Variants in ZFPM2 observed in about 807,000 individuals in gnomAD.
The protein encoded by ZFPM2 is zinc finger protein, FOG family member 2.
In ZFPM2, 20 loss-of-function variants were observed where a neutral mutation model predicts 98.6. The observed-to-expected ratio is 0.20, with a 90% confidence interval of 0.14 to 0.29. The LOEUF (loss-of-function observed/expected upper bound fraction) is 0.29. Ranked by LOEUF, ZFPM2 falls within the 10% of genes least tolerant of loss-of-function variation. The pLI, the probability that ZFPM2 is intolerant of heterozygous loss-of-function variation, is 1.00. For synonymous variants in ZFPM2, 518 were observed against 502.7 expected, an observed-to-expected ratio of 1.03 and a Z score of -0.41; for missense variants, 1,310 against 1,388.6, an observed-to-expected ratio of 0.94 and a Z score of 0.90.
intron 1 of ZFPM2, among the ~76,000 whole-genome samples, chr8:105,417,341 T>C (rs1369956181): frequency 1.3e-5 from 2 of 152,170 alleles, no homozygotes; most frequent in Non-Finnish European, 2.9e-5. Flanking sequence ...TATTTCATTT[T>C]GTATACATAC....
At chr8:105,389,514 C>G (rs543086834) in intron 1 of ZFPM2, among the ~76,000 whole-genome samples, 45 of 152,024 alleles carry the variant, frequency 3.0e-4, no homozygotes, top group African/African-American at 1.0e-3. Flanking sequence ...AGGGTAGATC[C>G]AAAGTTGCTT....
chr8:105,518,322 A>G (rs1384677238), intron 3 of ZFPM2, among the ~76,000 whole-genome samples: 1 of 152,184 alleles, frequency 6.6e-6, no homozygotes, highest in Non-Finnish European at 1.5e-5. Context: ...ATTAACATAG[A>G]TACAATTATA....
intron 5 of ZFPM2, among the ~76,000 whole-genome samples, chr8:105,690,193 G>C (rs1810844615): frequency 6.6e-6 from 1 of 152,158 alleles, no homozygotes; most frequent in Admixed American, 6.5e-5. Flanking sequence ...CCTGAATAAG[G>C]CAGTTATCTC....
chr8:105,793,819 G>T (rs568242479), intron 6 of ZFPM2, among the ~76,000 whole-genome samples: 2 of 121,348 alleles, frequency 1.6e-5, no homozygotes, highest in African/African-American at 9.2e-5. Flanking sequence ...TTCCCTTCTC[G>T]CTTCATTTCA....
chr8:105,692,815 C>T (rs979202761), intron 5 of ZFPM2, among the ~76,000 whole-genome samples: 3 of 152,182 alleles, frequency 2.0e-5, no homozygotes, highest in Non-Finnish European at 4.4e-5. Flanking sequence ...TAAAGAAGAG[C>T]ACTAGGAAGC....
rs533510324 is a variant in ZFPM2 at position 105,708,375 on chromosome 8, T to A, written c.532+74018T>A. On this transcript the variant is annotated intron_variant, in intron 5 of 7. Coordinates refer to ENST00000407775, the MANE Select transcript of ZFPM2 (RefSeq NM_012082.4). ...AACAGCTTCACTGTTCTTTATTTCC[T>A]TTAATGTCATTATGATTCTGTGAGA... Among the ~76,000 whole-genome samples the A allele has an allele frequency of 1.5e-3, 221 of 152,250 alleles. 1 individual carries two copies. Among genetic ancestry groups the A allele is most frequent in the African/African-American group, 5.2e-3 (218 of 41,556 alleles).
At chr8:105,401,900 G>A (rs542411252) in intron 1 of ZFPM2, among the ~76,000 whole-genome samples, 20 of 152,180 alleles carry the variant, frequency 1.3e-4, no homozygotes, top group African/African-American at 4.3e-4. Flanking sequence ...AGTAGTTTAT[G>A]GAATCTTGTA....
intron 1 of ZFPM2, among the ~76,000 whole-genome samples, chr8:105,393,296 TCTTC>T (rs898841293): frequency 6.7e-6 from 1 of 149,804 alleles, no homozygotes; most frequent in African/African-American, 2.5e-5. Flanking sequence ...CTTCAGAATG[TCTTC>T]CTTCCTTCCT....
intron 4 of ZFPM2, among the ~76,000 whole-genome samples, chr8:105,622,572 T>A (rs1362997690): frequency 1.3e-5 from 2 of 152,212 alleles, no homozygotes; most frequent in Non-Finnish European, 2.9e-5. Context: ...CATTTGATTC[T>A]GACTTCTTAG....
At chr8:105,327,738 A>G (rs1308614722) in intron 1 of ZFPM2, among the ~76,000 whole-genome samples, 1 of 151,852 alleles carries the variant, frequency 6.6e-6, no homozygotes, top group Non-Finnish European at 1.5e-5. Context: ...TTCGATTAAA[A>G]GATCTGATTA....
At chr8:105,680,303 C>A (rs908845676) in intron 5 of ZFPM2, among the ~76,000 whole-genome samples, 2 of 152,032 alleles carry the variant, frequency 1.3e-5, no homozygotes, top group African/African-American at 4.8e-5. Context: ...CTACTACTGG[C>A]CTTGCTTATT....
chr8:105,803,451 A>T lies in ZFPM2; in HGVS notation c.3369A>T (p.Leu1123=), dbSNP rs16873744. The change falls in exon 8 of 8, where the codon CTA becomes CTT. Residue 1123 remains leucine, a synonymous_variant. Transcript: ENST00000407775. ...CAACCAGTGGGAAATATTGCCGGCT[A>T]TGTGATATCCAGTTCAACAACCTTT... ...QAPTSGKYCR[L]CDIQFNNLSN... is the part of the protein sequence containing the mutation. The T allele has an allele frequency of 3.7e-6, 6 of 1,613,658 alleles. No individual in the cohort carries two copies. Among genetic ancestry groups the T allele is most frequent in the Non-Finnish European group, 5.1e-6 (6 of 1,179,812 alleles).
intron 2 of ZFPM2, among the ~76,000 whole-genome samples, chr8:105,442,814 C>T (rs1190578650): frequency 6.6e-6 from 1 of 151,620 alleles, no homozygotes; most frequent in African/African-American, 2.4e-5. Flanking sequence ...ATATTAACAT[C>T]ATGTTAAATG....
intron 6 of ZFPM2, among the ~76,000 whole-genome samples, chr8:105,795,072 C>T (rs372029679): frequency 5.1e-4 from 77 of 152,310 alleles, no homozygotes; most frequent in Middle Eastern, 3.4e-3. Flanking sequence ...AGCTCATGCA[C>T]GGTGCGCTGC....
intron 3 of ZFPM2, among the ~76,000 whole-genome samples, chr8:105,446,247 T>C (rs1812367976): frequency 6.6e-6 from 1 of 152,220 alleles, no homozygotes; most frequent in Non-Finnish European, 1.5e-5. Context: ...GAATTAAGTA[T>C]GTATATGTTA....
intron 5 of ZFPM2, among the ~76,000 whole-genome samples, chr8:105,653,207 G>T: frequency 6.6e-6 from 1 of 152,262 alleles, no homozygotes; most frequent in East Asian, 1.9e-4. Flanking sequence ...CACTGTTTAA[G>T]TTACCTATCT....
At chr8:105,536,788 C>G (rs570071093) in intron 3 of ZFPM2, among the ~76,000 whole-genome samples, 1 of 152,252 alleles carries the variant, frequency 6.6e-6, no homozygotes, top group Admixed American at 6.5e-5. Context: ...ATGACCAAGG[C>G]TCCCTTTTGG....
intron 1 of ZFPM2, among the ~76,000 whole-genome samples, chr8:105,391,573 T>A (rs1811110193): frequency 6.6e-6 from 1 of 151,738 alleles, no homozygotes; most frequent in African/African-American, 2.4e-5. Context: ...TACTTATGCG[T>A]CGTCAATAAT....
intron 5 of ZFPM2, among the ~76,000 whole-genome samples, chr8:105,640,962 C>G (rs1816938792): frequency 6.6e-6 from 1 of 151,864 alleles, no homozygotes; most frequent in South Asian, 2.1e-4. Flanking sequence ...GGTGAGTGCC[C>G]GAACTAAATA....
Sources: allele counts gnomAD v4.1 joint callset (sites outside exome capture counted in the v4.1 genomes callset), GRCh38; gene constraint gnomAD v4.1.1; transcripts MANE v1.5; gene names NCBI Gene and HGNC (gene_info 2026-07-23, HGNC 2026-07-21).